NLRP4: variants seen among roughly 807,000 people sequenced by gnomAD.
NLRP4 encodes the protein NLR family pyrin domain containing 4.
A neutral mutation model predicts 84.7 loss-of-function variants in NLRP4; 44 were observed. The observed-to-expected ratio is 0.52, with a 90% confidence interval of 0.41 to 0.67. The LOEUF (loss-of-function observed/expected upper bound fraction) is 0.67. Among genes scored for constraint, NLRP4 ranks in the 30% least tolerant of loss-of-function variants. The pLI, the probability that NLRP4 is intolerant of heterozygous loss-of-function variation, is 0.00. For missense variants in NLRP4, 1,260 were observed against 1,219.4 expected (o/e 1.03, Z -0.50); for synonymous variants, 544 against 476.4 (o/e 1.14, Z -1.85).
rs773032301 is a variant in NLRP4, at chr19:55,858,078, G to C, written c.685G>C (p.Val229Leu). 3 of 1,614,126 alleles carry C rather than the reference G, an allele frequency of 1.9e-6. No individual in the cohort carries two copies. The Admixed American group carries it at 5.0e-5, about 27-fold the overall frequency. The change falls in exon 3 of 10, where the codon GTC becomes CTC. Residue 229 changes from valine to leucine, a missense_variant. Transcript: ENST00000301295. This position sits in a 1 kb window ranked among gnomAD's most constrained non-coding sequence, Gnocchi z 4.2. ...IVSQPERLLF[V>L]IDSFEELQGG... is the part of the protein sequence containing the mutation. ...GTCTCAACCGGAGAGACTCTTGTTC[G>C]TCATCGACAGCTTCGAAGAGCTGCA...
At chr19:55,840,427 A>G (rs1054529734) in intron 1 of NLRP4, among the ~76,000 whole-genome samples, 2 of 151,658 alleles carry the variant, frequency 1.3e-5, no homozygotes, top group Non-Finnish European at 2.9e-5. Flanking sequence ...TCTGTTGCCC[A>G]GGCTGGAATG....
At chr19:55,876,887 G>C in intron 7 of NLRP4, 109 bp from the exon 8 acceptor site, 1 of 764,624 alleles carries the variant, frequency 1.3e-6, no homozygotes. Flanking sequence ...GAGGACTGAC[G>C]GTGCCTATCC....
In NLRP4 at chr19:55,858,831, G is replaced by A; in HGVS notation, c.1438G>A (p.Val480Ile). The A allele has an allele frequency of 6.2e-7, 1 of 1,614,102 alleles. No individual in the cohort carries two copies. The highest frequency in any genetic ancestry group is 8.5e-7 in the Non-Finnish European group (1 of 1,179,948). Residue 480 changes from valine (V) to isoleucine (I), a missense_variant, in exon 3 of 10, where the codon GTA becomes ATA. Physicochemically the swap from Val to Ile is conservative, Grantham distance 29. Transcript: ENST00000301295. The surrounding 1 kb of genome is among the most constrained non-coding windows in gnomAD (Gnocchi z 4.2). ...LDHPHPAVRC[V>I]QELLVANFEK... ...TCATCCTCACCCAGCTGTGAGATGTGTACAGGAATTGCTAGTTGCCAATTT... is the reference window on the plus strand; with the variant it reads ...TCATCCTCACCCAGCTGTGAGATGTATACAGGAATTGCTAGTTGCCAATTT...
Position 55,867,881 on chromosome 19 carries a change from G to C in NLRP4, c.2354+5G>C, listed in dbSNP as rs377426913. The C allele has an allele frequency of 3.7e-6, 6 of 1,613,226 alleles. No individual in the cohort carries two copies. The highest frequency in any genetic ancestry group is 5.1e-6 in the Non-Finnish European group (6 of 1,179,404). ...CACGGTCCTGGTATACCTGATGTGA[G>C]TGGATGTTGGGGGTGCCTACTGTGG... On this transcript the variant is annotated splice_donor_5th_base_variant and intron_variant, in intron 6 of 9. Transcript: ENST00000301295.
intron 7 of NLRP4, 62 bp from the exon 8 acceptor site, chr19:55,876,933 CT>C: frequency 7.1e-7 from 1 of 1,408,402 alleles, no homozygotes; most frequent in Non-Finnish European, 9.8e-7. Context: ...TTTGGTGTCT[CT>C]TTTCCTGATA....
chr19:55,863,896 C>T lies in NLRP4; in HGVS notation c.2186+1737C>T, dbSNP rs115782451. 8.8e-3 allele frequency among the ~76,000 whole-genome samples: 1,344 copies of T among 152,196 alleles called. 17 individuals are homozygous for T. Among genetic ancestry groups the T allele is most frequent in the African/African-American group, 0.03 (1,260 of 41,522 alleles). On this transcript the variant is annotated intron_variant, in intron 5 of 9. Transcript: ENST00000301295. ...CCTGTAAATACTTACCCTCTACTTA[C>T]CTTCATTGGTACCCACACATTCAAA...
chr19:55,860,232 A>G (rs1027122678), intron 3 of NLRP4, among the ~76,000 whole-genome samples: 10 of 151,982 alleles, frequency 6.6e-5, no homozygotes, highest in Admixed American at 3.3e-4. Context: ...TGATCTGCCC[A>G]CCTCGGCCTC....
intron 1 of NLRP4, among the ~76,000 whole-genome samples, chr19:55,839,500 T>C (rs1983527226): frequency 6.7e-6 from 1 of 149,696 alleles, no homozygotes; most frequent in African/African-American, 2.5e-5. Flanking sequence ...AAAAAAGCTT[T>C]CAAAACTTCA....
intron 4 of NLRP4, 72 bp from the exon 5 acceptor site, chr19:55,861,920 G>C (rs1322618893): frequency 1.0e-6 from 1 of 999,954 alleles, no homozygotes; most frequent in East Asian, 2.4e-5. Flanking sequence ...TGGATGATGA[G>C]AGACAAACAC....
intron 2 of NLRP4, among the ~76,000 whole-genome samples, chr19:55,852,792 T>C (rs1984222394): frequency 6.6e-6 from 1 of 152,048 alleles, no homozygotes; most frequent in Non-Finnish European, 1.5e-5. Flanking sequence ...ATATTGTCCT[T>C]GTAGGCAGGA....
At chr19:55,860,228 G>A (rs996933522) in intron 3 of NLRP4, among the ~76,000 whole-genome samples, 5 of 151,956 alleles carry the variant, frequency 3.3e-5, no homozygotes, top group Admixed American at 2.6e-4. Flanking sequence ...CTCGTGATCT[G>A]CCCACCTCGG....
chr19:55,837,541 T>C (rs57751644), intron 1 of NLRP4, among the ~76,000 whole-genome samples: 13,285 of 152,042 alleles, frequency 0.087, 1,323 homozygotes, highest in African/African-American at 0.23. Context: ...GAAAGAATAT[T>C]TATCTTTCTA....
Position 55,839,683 on chromosome 19 carries a change from CTTG to C in NLRP4, c.-66+2753_-66+2755del, listed in dbSNP as rs1983533927. On this transcript the variant is annotated intron_variant, in intron 1 of 9. Transcript: ENST00000301295. ...TGCTCATGTCTTCTTATTCATCAGA[CTTG>C]TTGGGGGTTATCCAGTTTGTATTTT... Among the ~76,000 whole-genome samples, 12 of 152,134 alleles carry C rather than the reference CTTG, an allele frequency of 7.9e-5. No homozygotes were observed. The South Asian group carries it at 2.3e-3, about 29-fold the overall frequency.
intron 1 of NLRP4, among the ~76,000 whole-genome samples, chr19:55,839,131 A>C (rs1600215885): frequency 6.7e-6 from 1 of 149,724 alleles, no homozygotes; most frequent in East Asian, 2.0e-4. Context: ...CCCCTTTCCC[A>C]CCCCTCACCC....
At position 55,878,851 on chromosome 19, in the gene NLRP4, C is replaced by T; in HGVS notation, c.2754C>T (p.Thr918=). ...TCCKDLASVL[T]CSKTLQQLNL... Reference sequence around the variant, plus strand: ...GTAAGGATCTCGCGTCTGTTCTCACCTGCAGTAAGACCCTGCAGCAGCTCA... The same window carrying T: ...GTAAGGATCTCGCGTCTGTTCTCACTTGCAGTAAGACCCTGCAGCAGCTCA... The change falls in exon 9 of 10, where the codon ACC becomes ACT. Residue 918 remains threonine, a synonymous_variant. Coordinates refer to ENST00000301295, the MANE Select transcript of NLRP4 (RefSeq NM_134444.5). The T allele has an allele frequency of 6.2e-7, 1 of 1,614,008 alleles. No individual in the cohort carries two copies. Among genetic ancestry groups the T allele is most frequent in the Non-Finnish European group, 8.5e-7 (1 of 1,179,902 alleles).
chr19:55,853,205 G>C (rs1317547377), intron 2 of NLRP4, among the ~76,000 whole-genome samples: 4 of 152,154 alleles, frequency 2.6e-5, no homozygotes, highest in Non-Finnish European at 5.9e-5. Context: ...CTGCCAAATT[G>C]TTTTTCTTTG....
At chr19:55,853,785 C>G (rs910515749) in intron 2 of NLRP4, among the ~76,000 whole-genome samples, 1 of 147,842 alleles carries the variant, frequency 6.8e-6, no homozygotes, top group South Asian at 2.1e-4. Context: ...CTCTTTCTGT[C>G]TCTCTTTCTC....
intron 2 of NLRP4, among the ~76,000 whole-genome samples, chr19:55,853,250 T>A (rs1984241210): frequency 6.6e-6 from 1 of 152,248 alleles, no homozygotes; most frequent in Non-Finnish European, 1.5e-5. Flanking sequence ...TGTGCCTGGA[T>A]GTGGCTTTGT....
rs1983318202 is a variant in NLRP4 at position 55,836,691 on chromosome 19, G to A, written c.-309G>A. Reference sequence around the variant, plus strand: ...CTTGAGGCTGATCGATCACAGCCAGGCCTCTCCATTCTATTTACCCAGCGT... The same window carrying A: ...CTTGAGGCTGATCGATCACAGCCAGACCTCTCCATTCTATTTACCCAGCGT... On this transcript the variant is annotated 5_prime_UTR_variant, in exon 1 of 10. Coordinates refer to ENST00000301295, the MANE Select transcript of NLRP4 (RefSeq NM_134444.5). 6.6e-6 allele frequency: 1 copy of A among 152,170 alleles called. No homozygotes were observed. Among genetic ancestry groups the A allele is most frequent in the Non-Finnish European group, 1.5e-5 (1 of 68,138 alleles). The allele number at this position is 152,170 out of a possible 1,614,324, so 9.4% of individuals were successfully genotyped here. A position where few individuals can be genotyped will look rare whatever the true frequency, so the allele number is the denominator to read the frequency against.
Sources: allele counts gnomAD v4.1 joint callset (sites outside exome capture counted in the v4.1 genomes callset), GRCh38; gene constraint gnomAD v4.1.1; non-coding constraint Gnocchi (gnomAD v3.1); transcripts MANE v1.5; gene names NCBI Gene and HGNC (gene_info 2026-07-23, HGNC 2026-07-21).